The following GIMAP2 variants were observed in gnomAD, a reference collection of about 807,000 sequenced individuals.
The protein encoded by GIMAP2 is GTPase, IMAP family member 2, also known as GTPase IMAP family member 2.
GIMAP2 carries 22 observed loss-of-function variants against 25.5 expected under a neutral mutation model. That is an observed-to-expected ratio of 0.86 (90% CI 0.62 to 1.23). The LOEUF is 1.23. GIMAP2 is among the 50% of genes most tolerant of loss of function. GIMAP2 has a pLI of 0.00. For synonymous variants in GIMAP2, 167 were observed against 143.0 expected, an observed-to-expected ratio of 1.17 and a Z score of -1.20; for missense variants, 422 against 395.7, an observed-to-expected ratio of 1.07 and a Z score of -0.56.
intron 2 of GIMAP2, chr7:150,689,356 G>T: frequency 1.9e-6 from 1 of 537,852 alleles, no homozygotes; most frequent in Non-Finnish European, 3.4e-6. Flanking sequence ...CTCTCACTTG[G>T]CTTTGGATGC....
In GIMAP2 at chr7:150,692,651, A is replaced by C. The variant is rs1389838119; in HGVS notation, c.365A>C (p.Asp122Ala). The change falls in exon 3 of 3, where the codon GAC (aspartate) becomes GCC (alanine). Residue 122 changes from aspartate (D) to alanine (A), a missense_variant. By Grantham distance (126) the Asp-to-Ala change is moderately radical. Transcript: ENST00000223293. ...VTQLGRYTSQDQQAAQRVKEI... is the reference protein window; with the variant it reads ...VTQLGRYTSQAQQAAQRVKEI... Reference sequence around the variant, plus strand: ...CAGCTGGGCCGCTATACCTCACAGGACCAGCAGGCTGCACAGAGGGTGAAG... The same window carrying C: ...CAGCTGGGCCGCTATACCTCACAGGCCCAGCAGGCTGCACAGAGGGTGAAG... The C allele has an allele frequency of 1.2e-6, 2 of 1,614,206 alleles. No homozygotes were observed. Among genetic ancestry groups the C allele is most frequent in the Non-Finnish European group, 1.7e-6 (2 of 1,180,028 alleles).
At position 150,692,367 on chromosome 7, in the gene GIMAP2, G is replaced by A; in HGVS notation, c.81G>A (p.Leu27=). ...GCAGATCTGAGCTGAGAATCATCCT[G>A]GTGGGCAAAACAGGAACTGGCAAAA... The part of the protein sequence containing the change: ...CASRSELRII[L]VGKTGTGKSA... Residue 27 remains leucine (L), a synonymous_variant, in exon 3 of 3, where the codon CTG becomes CTA. Coordinates refer to ENST00000223293, the MANE Select transcript of GIMAP2 (RefSeq NM_015660.3). 2 of 1,614,148 alleles carry A rather than the reference G, an allele frequency of 1.2e-6. No homozygotes were observed. The highest frequency in any genetic ancestry group is 1.7e-6 in the Non-Finnish European group (2 of 1,179,994).
Position 150,687,104 on chromosome 7 carries a change from A to ATGTGTGTGTG in GIMAP2, c.28+17_28+18insTGTGTGTGTG. Reference sequence around the variant, plus strand: ...GTCACTGGGGTAAGAAGGTGACTTCACGTGTGTGTGTGTGTGTGTGTGTGT... The same window carrying ATGTGTGTGTG: ...GTCACTGGGGTAAGAAGGTGACTTCATGTGTGTGTGCGTGTGTGTGTGTGTGTGTGTGTGT... On this transcript the variant is annotated intron_variant, in intron 2 of 2. Coordinates refer to ENST00000223293, the MANE Select transcript of GIMAP2 (RefSeq NM_015660.3). 1 of 1,371,310 alleles carries ATGTGTGTGTG rather than the reference A, an allele frequency of 7.3e-7. No homozygotes were observed. Among genetic ancestry groups the ATGTGTGTGTG allele is most frequent in the South Asian group, 1.2e-5 (1 of 84,970 alleles). 84.9% of individuals were successfully genotyped at this position (1,371,310 alleles called of 1,614,324 possible).
chr7:150,687,262 C>CTTTCTTTG (rs1554513829), intron 2 of GIMAP2, 175 bp downstream of exon 2: 2 of 551,708 alleles, frequency 3.6e-6, no homozygotes, highest in African/African-American at 3.9e-5. Flanking sequence ...GTTTTGTTTT[C>CTTTCTTTG]TTTGTTTGTT....
At chr7:150,689,728 A>AT (rs1314712653) in intron 2 of GIMAP2, 2 of 568,650 alleles carry the variant, frequency 3.5e-6, no homozygotes, top group Admixed American at 5.6e-5. Flanking sequence ...AAATACTTAA[A>AT]TATGTGCAAC....
intron 1 of GIMAP2, 139 bp from the exon 2 acceptor site, chr7:150,686,913 C>T (rs1433012264): frequency 7.4e-5 from 45 of 609,114 alleles, no homozygotes; most frequent in Non-Finnish European, 1.2e-4. Context: ...CACTGCACTC[C>T]AGCCTGGGTG....
chr7:150,692,506 G>T lies in GIMAP2; in HGVS notation c.220G>T (p.Val74Phe), dbSNP rs11558054. The T allele has an allele frequency of 0.024, 39,311 of 1,614,106 alleles. 652 individuals carry two copies. The highest frequency in any genetic ancestry group is 0.069 in the South Asian group (6,282 of 91,076). The change falls in exon 3 of 3, where the codon GTC becomes TTC. Residue 74 changes from valine to phenylalanine, a missense_variant. Physicochemically the swap from Val to Phe is conservative, Grantham distance 50. Coordinates refer to ENST00000223293, the MANE Select transcript of GIMAP2 (RefSeq NM_015660.3). ...GGGAAGCTGGGGAAATAGAGAGATTGTCATTATTGACACACCAGATATGTT... is the reference window on the plus strand; with the variant it reads ...GGGAAGCTGGGGAAATAGAGAGATTTTCATTATTGACACACCAGATATGTT... Reference protein sequence around the residue: ...SQGSWGNREIVIIDTPDMFSW... With the variant: ...SQGSWGNREIFIIDTPDMFSW...
chr7:150,693,562 T>C lies in GIMAP2; in HGVS notation c.*262T>C. 2 of 340,952 alleles carry C rather than the reference T, an allele frequency of 5.9e-6. No individual in the cohort carries two copies. 21.1% of individuals were successfully genotyped at this position (340,952 alleles called of 1,614,324 possible). ...AAGCCAGTTTTATGTTCCTAAAATC[T>C]CATTTTCTTCTTTCTAGTACTACTA... is the stretch of plus-strand genomic sequence containing the variant. On this transcript the variant is annotated 3_prime_UTR_variant, in exon 3 of 3. Transcript: ENST00000223293.
intron 2 of GIMAP2, among the ~76,000 whole-genome samples, 165 bp from the exon 3 acceptor site, chr7:150,692,150 G>A (rs1278880267): frequency 1.3e-5 from 2 of 151,968 alleles, no homozygotes; most frequent in Non-Finnish European, 2.9e-5. Flanking sequence ...GCGTGAACCC[G>A]GGAGGTGGAG....
Position 150,692,508 on chromosome 7 carries a change from C to A in GIMAP2, c.222C>A (p.Val74=). The A allele has an allele frequency of 6.2e-7, 1 of 1,614,128 alleles. No homozygotes were observed. Among genetic ancestry groups the A allele is most frequent in the South Asian group, 1.1e-5 (1 of 91,074 alleles). Residue 74 remains valine, a synonymous_variant, in exon 3 of 3, where the codon GTC becomes GTA. Coordinates refer to ENST00000223293, the MANE Select transcript of GIMAP2 (RefSeq NM_015660.3). Reference sequence around the variant, plus strand: ...GAAGCTGGGGAAATAGAGAGATTGTCATTATTGACACACCAGATATGTTTT... The same window carrying A: ...GAAGCTGGGGAAATAGAGAGATTGTAATTATTGACACACCAGATATGTTTT... The part of the protein sequence containing the change: ...SQGSWGNREI[V]IIDTPDMFSW...
At position 150,692,675 on chromosome 7, in the gene GIMAP2, A is replaced by C. The variant is rs754733684; in HGVS notation, c.389A>C (p.Lys130Thr). The C allele has an allele frequency of 1.1e-4, 175 of 1,614,046 alleles. No individual in the cohort carries two copies. The highest frequency in any genetic ancestry group is 1.4e-4 in the Non-Finnish European group (164 of 1,180,012). Residue 130 changes from lysine to threonine, a missense_variant, in exon 3 of 3, where the codon AAG becomes ACG. Transcript: ENST00000223293. Reference protein sequence around the residue: ...SQDQQAAQRVKEIFGEDAMGH... With the variant: ...SQDQQAAQRVTEIFGEDAMGH... ...GACCAGCAGGCTGCACAGAGGGTGA[A>C]GGAGATCTTTGGAGAGGATGCCATG...
At chr7:150,691,138 G>A (rs566835646) in intron 2 of GIMAP2, among the ~76,000 whole-genome samples, 2 of 152,246 alleles carry the variant, frequency 1.3e-5, no homozygotes, top group East Asian at 3.9e-4. Context: ...TACAGTAAAG[G>A]AATCAAGGGG....
rs979470702 is a variant in GIMAP2 at position 150,693,138 on chromosome 7, A to G, written c.852A>G (p.Ile284Met). The stretch of plus-strand genomic sequence containing the variant: ...GTATTCAGTTGTTTCTCAGATTGAT[A>G]ATTCTGTGGCTTTGCATACTGCACA... Reference protein sequence around the residue: ...LFCIQLFLRLIILWLCILHSM... With the variant: ...LFCIQLFLRLMILWLCILHSM... The change falls in exon 3 of 3, where the codon ATA (isoleucine) becomes ATG (methionine). Residue 284 changes from isoleucine (I) to methionine (M), a missense_variant. Coordinates refer to ENST00000223293, the MANE Select transcript of GIMAP2 (RefSeq NM_015660.3). The G allele has an allele frequency of 2.5e-6, 4 of 1,613,462 alleles. No homozygotes were observed. In the African/African-American group the frequency reaches 5.3e-5, roughly 22 times the overall value.
intron 2 of GIMAP2, among the ~76,000 whole-genome samples, chr7:150,687,921 A>G (rs1251886085): frequency 6.6e-6 from 1 of 151,852 alleles, no homozygotes; most frequent in Non-Finnish European, 1.5e-5. Context: ...CCCTGTCTTC[A>G]GTCTCTTACA....
intron 2 of GIMAP2, chr7:150,689,407 G>T (rs1460924059): frequency 7.5e-6 from 5 of 665,984 alleles, no homozygotes; most frequent in Non-Finnish European, 1.4e-5. Flanking sequence ...GGGAGAGAAT[G>T]AGGTAGCACT....
chr7:150,687,353 A>G lies in GIMAP2; in HGVS notation c.28+266A>G, dbSNP rs570276703. 70 of 335,868 alleles carry G rather than the reference A, an allele frequency of 2.1e-4. No homozygotes were observed. In the East Asian group the frequency reaches 3.2e-3, roughly 15 times the overall value. 20.8% of individuals were successfully genotyped at this position (335,868 alleles called of 1,614,324 possible). The stretch of plus-strand genomic sequence containing the variant: ...AGTGGCGCAATCTCGGCTCACTGCA[A>G]CCTCCACCTCCCAGGTTCAAGTGAT... On this transcript the variant is annotated intron_variant, in intron 2 of 2. Coordinates refer to ENST00000223293, the MANE Select transcript of GIMAP2 (RefSeq NM_015660.3).
chr7:150,693,449 T>C lies in GIMAP2; in HGVS notation c.*149T>C. On this transcript the variant is annotated 3_prime_UTR_variant, in exon 3 of 3. Transcript: ENST00000223293. Reference sequence around the variant, plus strand: ...CTCCAATTATTAATGAACCAAATCATACGATAAGTTACTGTTTGCATTGAA... The same window carrying C: ...CTCCAATTATTAATGAACCAAATCACACGATAAGTTACTGTTTGCATTGAA... 3.6e-6 allele frequency: 2 copies of C among 549,344 alleles called. No individual in the cohort carries two copies. Among genetic ancestry groups the C allele is most frequent in the South Asian group, 5.5e-5 (2 of 36,150 alleles). 34.0% of individuals were successfully genotyped at this position (549,344 alleles called of 1,614,324 possible).
At chr7:150,689,905 A>G (rs529288042) in intron 2 of GIMAP2, among the ~76,000 whole-genome samples, 6 of 150,566 alleles carry the variant, frequency 4.0e-5, no homozygotes, top group Non-Finnish European at 5.9e-5. Context: ...AAAGGAACCC[A>G]TGGGTAAAAA....
intron 2 of GIMAP2, among the ~76,000 whole-genome samples, chr7:150,688,786 GC>G (rs1055157045): frequency 1.8e-4 from 28 of 152,160 alleles, no homozygotes; most frequent in Admixed American, 5.9e-4. Context: ...GCCATCCCAT[GC>G]CCCATTACAG....
Sources: gnomAD v4.1 joint callset for allele counts (sites outside exome capture counted in the v4.1 genomes callset) on GRCh38, gnomAD v4.1.1 for gene constraint, MANE v1.5 for transcripts, NCBI Gene and HGNC (gene_info 2026-07-23, HGNC 2026-07-21) for gene names.